The following IFT140 variants were observed in gnomAD, a reference collection of about 807,000 sequenced individuals.
The protein encoded by IFT140 is intraflagellar transport 140.
A neutral mutation model predicts 164.6 loss-of-function variants in IFT140; 133 were observed. The observed-to-expected ratio is 0.81, with a 90% CI of 0.70 to 0.93. IFT140 has a LOEUF of 0.93. Ranked by LOEUF, IFT140 falls within the 40% of genes least tolerant of loss-of-function variation. The probability of loss-of-function intolerance (pLI) is 0.00; values close to 1 mark genes in which losing one functional copy is unlikely to be tolerated. For missense variants in IFT140, 2,045 were observed against 1,972.3 expected, an observed-to-expected ratio of 1.04 and a Z score of -0.70; for synonymous variants, 860 against 817.3, an observed-to-expected ratio of 1.05 and a Z score of -0.89.
Position 1,537,978 on chromosome 16 carries a change from G to A in IFT140, c.2400-11182C>T, listed in dbSNP as rs79102728. 4.5e-4 allele frequency among the ~76,000 whole-genome samples: 69 copies of A among 152,328 alleles called. No homozygotes were observed. In the East Asian group the frequency reaches 0.013, roughly 29 times the overall value. ...CTCGGCCAGGACCCAGCTGAACCAC[G>A]TTCTCACCGACACCTTTAAAAGTCA... On this transcript the variant is annotated intron_variant, in intron 19 of 30. Coordinates refer to ENST00000426508, the MANE Select transcript of IFT140 (RefSeq NM_014714.4).
intron 19 of IFT140, among the ~76,000 whole-genome samples, chr16:1,537,022 T>C (rs947451744): frequency 1.3e-5 from 2 of 152,214 alleles, no homozygotes; most frequent in African/African-American, 2.4e-5. Flanking sequence ...GCCACCCCAC[T>C]GAGTCCAGCC....
intron 24 of IFT140, 105 bp downstream of exon 24, chr16:1,524,447 C>T (rs570908049): frequency 2.0e-5 from 29 of 1,455,586 alleles, no homozygotes; most frequent in Middle Eastern, 2.5e-4. Flanking sequence ...AGACACTGGC[C>T]GGACCACGTG....
chr16:1,585,557 C>A (rs939251867), intron 10 of IFT140, among the ~76,000 whole-genome samples: 2 of 152,062 alleles, frequency 1.3e-5, no homozygotes, highest in African/African-American at 2.4e-5. Context: ...CTCAGTAAAG[C>A]TCTTTTTCAT....
At position 1,562,028 on chromosome 16, in the gene IFT140, CTG is replaced by C. The variant is rs1408243402; in HGVS notation, c.2154_2155del (p.His718GlnfsTer83). On this transcript the variant is annotated frameshift_variant, in exon 18 of 31. Coordinates refer to ENST00000426508, the MANE Select transcript of IFT140 (RefSeq NM_014714.4). LOFTEE classifies it high-confidence loss of function. Reference sequence around the variant, plus strand: ...ATAAGGCACTTCCATCCCCAGGAGACTGTGGGAGGTGGCAGGCCGGGGGAAGC... The same window carrying C: ...ATAAGGCACTTCCATCCCCAGGAGACTGGGAGGTGGCAGGCCGGGGGAAGC... 6.2e-7 allele frequency: 1 copy of C among 1,611,696 alleles called. No homozygotes were observed. Among genetic ancestry groups the C allele is most frequent in the Non-Finnish European group, 8.5e-7 (1 of 1,179,078 alleles).
rs765573126 is a variant in IFT140 at position 1,524,892 on chromosome 16, C to A, written c.2889G>T (p.Gln963His). The A allele has an allele frequency of 1.9e-6, 3 of 1,609,820 alleles. No individual in the cohort carries two copies. Among genetic ancestry groups the A allele is most frequent in the Non-Finnish European group, 2.5e-6 (3 of 1,178,350 alleles). The part of the protein sequence containing the change: ...KDKTLWRWWA[Q>H]YLESQGEMDA... Reference sequence around the variant, plus strand: ...CCATCTCGCCCTGGCTCTCCAGGTACTGCGCCCACCACCGCCACAGGGTCC... The same window carrying A: ...CCATCTCGCCCTGGCTCTCCAGGTAATGCGCCCACCACCGCCACAGGGTCC... The change falls in exon 23 of 31, where the codon CAG (glutamine) becomes CAT (histidine). Residue 963 changes from glutamine to histidine, a missense_variant. Gln to His is a conservative substitution (Grantham distance 24). Coordinates refer to ENST00000426508, the MANE Select transcript of IFT140 (RefSeq NM_014714.4).
At chr16:1,530,016 G>A (rs945635890) in intron 19 of IFT140, among the ~76,000 whole-genome samples, 1 of 152,146 alleles carries the variant, frequency 6.6e-6, no homozygotes, top group African/African-American at 2.4e-5. Context: ...TAACATCTGG[G>A]TGGTGGCAGC....
chr16:1,568,211 C>G lies in IFT140; in HGVS notation c.1770+6G>C, dbSNP rs1381640399. The G allele has an allele frequency of 2.5e-6, 4 of 1,585,650 alleles. No homozygotes were observed. The African/African-American group carries it at 5.4e-5, about 21-fold the overall frequency. On this transcript the variant is annotated splice_donor_region_variant and intron_variant, in intron 15 of 30. Coordinates refer to ENST00000426508, the MANE Select transcript of IFT140 (RefSeq NM_014714.4). ...GAGTGGGCGAGTGGACGAGGGGTGG[C>G]CTCACCTTGCTGGGGAGGATGCTGA...
chr16:1,571,650 T>C lies in IFT140; in HGVS notation c.1525-116A>G, dbSNP rs2034020258. 8.6e-6 allele frequency: 10 copies of C among 1,159,594 alleles called. No individual in the cohort carries two copies. In the East Asian group the frequency reaches 2.3e-4, roughly 26 times the overall value. The allele number at this position is 1,159,594 out of a possible 1,614,324, so 71.8% of individuals were successfully genotyped here. On this transcript the variant is annotated intron_variant, in intron 13 of 30. Transcript: ENST00000426508. ...TTTCATGTGAGTTACTGAACATTGT[T>C]CACAGATAACCTTGTACACTCCACT...
intron 13 of IFT140, 137 bp from the exon 14 acceptor site, chr16:1,571,671 C>T (rs2034020670): frequency 2.2e-6 from 2 of 927,878 alleles, no homozygotes; most frequent in African/African-American, 1.7e-5. Flanking sequence ...CTTGTACACT[C>T]CACTCATTCA....
At chr16:1,568,691 T>C (rs1168892073) in intron 14 of IFT140, among the ~76,000 whole-genome samples, 2 of 151,836 alleles carry the variant, frequency 1.3e-5, no homozygotes, top group Non-Finnish European at 2.9e-5. Context: ...GAGGCGGAGG[T>C]TGCAGTGAAC....
At chr16:1,544,777 T>C (rs973158228) in intron 19 of IFT140, among the ~76,000 whole-genome samples, 1 of 151,234 alleles carries the variant, frequency 6.6e-6, no homozygotes, top group African/African-American at 2.4e-5. Context: ...GCCTCCCGAG[T>C]AGCTGGGACT....
At chr16:1,601,199 G>A (rs895933600) in intron 4 of IFT140, among the ~76,000 whole-genome samples, 3 of 151,872 alleles carry the variant, frequency 2.0e-5, no homozygotes, top group Admixed American at 1.3e-4. Context: ...AGGATGTAGA[G>A]GTTGCAGTGA....
intron 3 of IFT140, 48 bp from the exon 4 acceptor site, chr16:1,602,639 A>G (rs2035856674): frequency 1.3e-6 from 2 of 1,548,596 alleles, no homozygotes; most frequent in African/African-American, 1.4e-5. Flanking sequence ...AGGGACAGCT[A>G]CTTTTAAGAA....
intron 20 of IFT140, 192 bp downstream of exon 20, chr16:1,526,427 C>G: frequency 1.5e-6 from 1 of 645,618 alleles, no homozygotes; most frequent in Non-Finnish European, 2.6e-6. Context: ...CCTGGAGAGC[C>G]GGCGGTCGCC....
rs376776316 is a variant in IFT140 at position 1,520,064 on chromosome 16, C to A, written c.3874-17G>T. ...AATCTCCACCTGTACAGATGAAACC[C>A]GTCAAGACCTGCCGGGCTCCACAGC... On this transcript the variant is annotated splice_polypyrimidine_tract_variant and intron_variant, in intron 28 of 30. Coordinates refer to ENST00000426508, the MANE Select transcript of IFT140 (RefSeq NM_014714.4). 1.2e-6 allele frequency: 2 copies of A among 1,605,738 alleles called. No individual in the cohort carries two copies. Among genetic ancestry groups the A allele is most frequent in the South Asian group, 2.2e-5 (2 of 90,512 alleles).
At chr16:1,579,600 T>G (rs527726029) in intron 13 of IFT140, 1 of 152,302 alleles carries the variant, frequency 6.6e-6, no homozygotes, top group African/African-American at 2.4e-5. Flanking sequence ...ATCAACACAC[T>G]GTGTCTGCCC....
Position 1,602,508 on chromosome 16 carries a change from AGCCAGCACCAGCCGCGTCGGGT to A in IFT140, c.209_230del (p.His70LeufsTer9). ...TCACTTCTCCAGTCTCCCAGCCCAC[AGCCAGCACCAGCCGCGTCGGGT>A]GCCAGCACAGGGAAGCAACCCGGAA... is the stretch of plus-strand genomic sequence containing the variant. On this transcript the variant is annotated frameshift_variant, in exon 4 of 31. Coordinates refer to ENST00000426508, the MANE Select transcript of IFT140 (RefSeq NM_014714.4). LOFTEE classifies it high-confidence loss of function. 5 of 1,614,146 alleles carry A rather than the reference AGCCAGCACCAGCCGCGTCGGGT, an allele frequency of 3.1e-6. No homozygotes were observed. Among genetic ancestry groups the A allele is most frequent in the Non-Finnish European group, 4.2e-6 (5 of 1,180,034 alleles).
At chr16:1,562,163 A>G (rs372564113) in intron 17 of IFT140, 47 bp from the exon 18 acceptor site, 10 of 1,508,624 alleles carry the variant, frequency 6.6e-6, no homozygotes, top group African/African-American at 1.4e-5. Context: ...TTTAACTTAC[A>G]TAAATTTCTG....
chr16:1,556,397 G>A (rs1020102774), intron 19 of IFT140, among the ~76,000 whole-genome samples: 1 of 152,282 alleles, frequency 6.6e-6, no homozygotes, highest in African/African-American at 2.4e-5. Context: ...CGCCTCCTCT[G>A]CCTGGGTGCG....
Sources: gnomAD v4.1 joint callset for allele counts (sites outside exome capture counted in the v4.1 genomes callset) on GRCh38, gnomAD v4.1.1 for gene constraint, MANE v1.5 for transcripts, NCBI Gene and HGNC (gene_info 2026-07-23, HGNC 2026-07-21) for gene names.